The following NEK6 variants were observed in gnomAD, a reference collection of about 807,000 sequenced individuals.
NEK6 encodes the protein serine/threonine-protein kinase Nek6.
Under a neutral mutation model 43.5 loss-of-function variants are expected in NEK6, and 27 were observed. That is an observed-to-expected ratio of 0.62 (90% confidence interval 0.46 to 0.86). The LOEUF (loss-of-function observed/expected upper bound fraction) is 0.86. Among genes scored for constraint, NEK6 ranks in the 40% least tolerant of loss-of-function variants. The pLI, the probability that NEK6 is intolerant of heterozygous loss-of-function variation, is 0.00. For missense variants in NEK6, 318 were observed against 414.4 expected (o/e 0.77, Z 2.02); for synonymous variants, 167 against 164.1 (o/e 1.02, Z -0.14).
rs76298887 is a variant in NEK6, at chr9:124,302,341, T to C, written c.90+287T>C. On this transcript the variant is annotated intron_variant, in intron 2 of 9. Coordinates refer to ENST00000320246, the MANE Select transcript of NEK6 (RefSeq NM_014397.6). ...GGATGGAACAGCTTTATCTCAGGGA[T>C]CAGCATGGTTGGAAGGGTACAGAGG... 5.2e-3 allele frequency among the ~76,000 whole-genome samples: 789 copies of C among 152,276 alleles called. 6 individuals are homozygous for C. Among genetic ancestry groups the C allele is most frequent in the African/African-American group, 0.018 (760 of 41,554 alleles).
At position 124,289,459 on chromosome 9, in the gene NEK6, C is replaced by T. The variant is rs533079491; in HGVS notation, c.-29-12477C>T. 3.3e-5 allele frequency among the ~76,000 whole-genome samples: 5 copies of T among 152,164 alleles called. No individual in the cohort carries two copies. The East Asian group carries it at 5.8e-4, about 18-fold the overall frequency. ...TCCCTGAAGGATCTGGCCCAGCACC[C>T]GACACTGATGGGGTGCCCTGGATGC... On this transcript the variant is annotated intron_variant, in intron 1 of 9. Coordinates refer to ENST00000320246, the MANE Select transcript of NEK6 (RefSeq NM_014397.6).
chr9:124,338,469 C>CGTATGT (rs1829404930), intron 7 of NEK6, among the ~76,000 whole-genome samples: 1 of 152,166 alleles, frequency 6.6e-6, no homozygotes, highest in Non-Finnish European at 1.5e-5. Context: ...GTGAAGAGTC[C>CGTATGT]GTTGTCAGGT....
chr9:124,279,076 A>G (rs896059833), intron 1 of NEK6, among the ~76,000 whole-genome samples: 2 of 151,612 alleles, frequency 1.3e-5, no homozygotes, highest in Non-Finnish European at 2.9e-5. Context: ...CCATATTTCA[A>G]TTCTGGCCTG....
At chr9:124,284,479 G>A (rs950321206) in intron 1 of NEK6, among the ~76,000 whole-genome samples, 5 of 152,242 alleles carry the variant, frequency 3.3e-5, no homozygotes, top group Admixed American at 6.5e-5. Flanking sequence ...GCGTGGCAGC[G>A]ACCACGCACA....
At chr9:124,347,112 G>C (rs1829972733) in intron 8 of NEK6, among the ~76,000 whole-genome samples, 2 of 152,180 alleles carry the variant, frequency 1.3e-5, no homozygotes, top group Non-Finnish European at 2.9e-5. Flanking sequence ...CTCTATCCAG[G>C]GGCAGGAGGC....
chr9:124,292,638 C>A, intron 1 of NEK6: 1 of 1,443,884 alleles, frequency 6.9e-7, no homozygotes, highest in Non-Finnish European at 9.4e-7. Flanking sequence ...TGCGGTTCTG[C>A]TCTGAAATCC....
In NEK6 at chr9:124,326,653, G is replaced by C. The variant is rs1834354764; in HGVS notation, c.514+215G>C. ...AAGTGACATGAGCCCCAGGGGGCAG[G>C]GGCCCCGCTTGGCACACCACTTCCA... is the stretch of plus-strand genomic sequence containing the variant. On this transcript the variant is annotated intron_variant, in intron 6 of 9. Transcript: ENST00000320246. The surrounding 1 kb of genome is among the most constrained non-coding windows in gnomAD (Gnocchi z 4.5). Among the ~76,000 whole-genome samples the C allele has an allele frequency of 1.3e-5, 2 of 152,302 alleles. No individual in the cohort carries two copies. Among genetic ancestry groups the C allele is most frequent in the Admixed American group, 1.3e-4 (2 of 15,308 alleles).
In NEK6 at chr9:124,348,002, G is replaced by T. The variant is rs575238381; in HGVS notation, c.831+180G>T. On this transcript the variant is annotated intron_variant, in intron 9 of 9. Coordinates refer to ENST00000320246, the MANE Select transcript of NEK6 (RefSeq NM_014397.6). ...AAGTAGGTGATTGCACTGAAGAAGG[G>T]GTTTCACCACGCAGCTCCAGTGTGG... Among the ~76,000 whole-genome samples the T allele has an allele frequency of 3.3e-5, 5 of 152,320 alleles. No homozygotes were observed. In the South Asian group the frequency reaches 1.0e-3, roughly 32 times the overall value.
At chr9:124,284,023 C>T (rs1196384392) in intron 1 of NEK6, among the ~76,000 whole-genome samples, 1 of 152,244 alleles carries the variant, frequency 6.6e-6, no homozygotes, top group African/African-American at 2.4e-5. Flanking sequence ...TGTGACGCCT[C>T]TGCTGTGTGG....
rs7018470 is a variant in NEK6 at position 124,348,408 on chromosome 9, C to T, written c.831+586C>T. 4.6e-3 allele frequency among the ~76,000 whole-genome samples: 695 copies of T among 152,290 alleles called. 3 individuals carry two copies. Among genetic ancestry groups the T allele is most frequent in the African/African-American group, 0.016 (667 of 41,554 alleles). ...AATGTGTGAATATCTTATTCCTCGG[C>T]TCCGTCACCTTGAAGATGGGACTAA... On this transcript the variant is annotated intron_variant, in intron 9 of 9. Transcript: ENST00000320246.
chr9:124,272,904 A>T (rs1249033376), intron 1 of NEK6, among the ~76,000 whole-genome samples: 1 of 152,130 alleles, frequency 6.6e-6, no homozygotes, highest in East Asian at 1.9e-4. Flanking sequence ...CACTATCGGA[A>T]CCACTCTGCC....
At chr9:124,296,132 C>G (rs774107697) in intron 1 of NEK6, among the ~76,000 whole-genome samples, 4 of 152,264 alleles carry the variant, frequency 2.6e-5, no homozygotes, top group Non-Finnish European at 5.9e-5. Flanking sequence ...CTGAAGGCCC[C>G]AGGCAGTGGG....
chr9:124,347,450 CCTT>C (rs1321532806), intron 8 of NEK6, among the ~76,000 whole-genome samples: 17 of 152,240 alleles, frequency 1.1e-4, no homozygotes, highest in Admixed American at 3.9e-4. Flanking sequence ...GTCCAGCTGC[CCTT>C]CTTTATTGCC....
chr9:124,314,022 C>G (rs746570947), intron 4 of NEK6, 37 bp downstream of exon 4: 2 of 1,604,400 alleles, frequency 1.2e-6, no homozygotes, highest in Admixed American at 1.7e-5. Context: ...TTTGCCTCCT[C>G]GGGGAGGTTC....
In NEK6 at chr9:124,350,939, A is replaced by G; in HGVS notation, c.934A>G (p.Ser312Gly). The part of the protein sequence containing the change: ...VAKQMHIWMS[S>G]T ...CAAGCAGATGCACATCTGGATGTCC[A>G]GCACCTGAGCGTGGATGCACCGTGC... Residue 312 changes from serine to glycine, a missense_variant, in exon 10 of 10, where the codon AGC (serine) becomes GGC (glycine). This residue lies in a region of NEK6 where 79 missense variants were observed against 70.0 expected (regional missense o/e 1.13). Coordinates refer to ENST00000320246, the MANE Select transcript of NEK6 (RefSeq NM_014397.6). 1 of 1,607,794 alleles carries G rather than the reference A, an allele frequency of 6.2e-7. No homozygotes were observed. The highest frequency in any genetic ancestry group is 8.5e-7 in the Non-Finnish European group (1 of 1,178,834).
At chr9:124,262,128 G>A (rs1013216235) in intron 1 of NEK6, among the ~76,000 whole-genome samples, 4 of 152,146 alleles carry the variant, frequency 2.6e-5, no homozygotes, top group African/African-American at 9.7e-5. Flanking sequence ...AGCAGGCACT[G>A]TTGAGGGCCT....
At chr9:124,272,666 C>T (rs1342945024) in intron 1 of NEK6, among the ~76,000 whole-genome samples, 1 of 152,234 alleles carries the variant, frequency 6.6e-6, no homozygotes, top group East Asian at 1.9e-4. Context: ...TCTCCTGAGA[C>T]TCACAACCGC....
intron 8 of NEK6, among the ~76,000 whole-genome samples, chr9:124,341,980 C>T (rs964331997): frequency 5.3e-5 from 8 of 152,080 alleles, no homozygotes; most frequent in Non-Finnish European, 4.4e-5. Context: ...TGTTGAGTGG[C>T]GCAGAGCCAC....
chr9:124,341,015 T>C (rs1829584182), intron 8 of NEK6, among the ~76,000 whole-genome samples: 1 of 152,254 alleles, frequency 6.6e-6, no homozygotes, highest in Non-Finnish European at 1.5e-5. Context: ...AACTCTGATC[T>C]GTTTGCAGGG....
Sources: allele counts gnomAD v4.1 joint callset (sites outside exome capture counted in the v4.1 genomes callset), GRCh38; gene constraint gnomAD v4.1.1; regional missense constraint gnomAD v4.1.1; non-coding constraint Gnocchi (gnomAD v3.1); transcripts MANE v1.5; gene names NCBI Gene and HGNC (gene_info 2026-07-23, HGNC 2026-07-21).